RBPMS: variants seen among roughly 807,000 people sequenced by gnomAD.
The protein encoded by RBPMS is RNA binding protein, mRNA processing factor.
A neutral mutation model predicts 26.8 loss-of-function variants in RBPMS; 7 were observed. The observed-to-expected ratio is 0.26, with a 90% CI of 0.15 to 0.49. RBPMS has a LOEUF of 0.49. RBPMS is among the 20% of genes least tolerant of loss of function. The pLI, the probability that RBPMS is intolerant of heterozygous loss-of-function variation, is 0.98. For synonymous variants in RBPMS, 96 were observed against 93.3 expected (o/e 1.03, Z -0.17); for missense variants, 186 against 250.0 (o/e 0.74, Z 1.73).
At chr8:30,463,357 G>A (rs1816155856) in intron 1 of RBPMS, among the ~76,000 whole-genome samples, 1 of 152,236 alleles carries the variant, frequency 6.6e-6, no homozygotes. Context: ...TGGGGCTGCG[G>A]TCATCTGAAG....
Position 30,562,410 on chromosome 8 carries a change from TC to T in RBPMS, c.*7+3456del, listed in dbSNP as rs548586252. 1.3e-4 allele frequency among the ~76,000 whole-genome samples: 20 copies of T among 151,444 alleles called. 1 individual carries two copies. In the South Asian group the frequency reaches 3.8e-3, roughly 29 times the overall value. Reference sequence around the variant, plus strand: ...GCTAAGCTTGGGCCATGGGCCAGACTCCTTCCTCGGAGCCTGTGGGGAGCAG... The same window carrying T: ...GCTAAGCTTGGGCCATGGGCCAGACTCTTCCTCGGAGCCTGTGGGGAGCAG... On this transcript the variant is annotated intron_variant, in intron 7 of 8. Transcript: ENST00000397323.
chr8:30,567,210 C>T (rs1827952821), intron 8 of RBPMS, among the ~76,000 whole-genome samples: 1 of 152,292 alleles, frequency 6.6e-6, no homozygotes, highest in African/African-American at 2.4e-5. Flanking sequence ...TACAGAGAAC[C>T]AAGCGCTTCT....
intron 5 of RBPMS, among the ~76,000 whole-genome samples, chr8:30,514,767 C>T (rs976583426): frequency 6.9e-6 from 1 of 145,466 alleles, no homozygotes; most frequent in East Asian, 2.1e-4. Context: ...CTCAAGTGAT[C>T]CACCCACCTT....
intron 4 of RBPMS, among the ~76,000 whole-genome samples, chr8:30,501,188 A>G (rs988696110): frequency 3.3e-5 from 5 of 151,396 alleles, no homozygotes; most frequent in Non-Finnish European, 5.9e-5. Flanking sequence ...CTGAGCACAC[A>G]CTCCAAAGTC....
At chr8:30,541,131 C>T (rs1585818137) in intron 5 of RBPMS, among the ~76,000 whole-genome samples, 1 of 152,164 alleles carries the variant, frequency 6.6e-6, no homozygotes, top group African/African-American at 2.4e-5. Flanking sequence ...TCTCCTTGTT[C>T]TTCCATCTCT....
At chr8:30,554,679 G>A (rs1343022108) in intron 6 of RBPMS, among the ~76,000 whole-genome samples, 2 of 152,150 alleles carry the variant, frequency 1.3e-5, no homozygotes, top group African/African-American at 2.4e-5. Context: ...CAGAGTTTTG[G>A]CATTTCTGAC....
At chr8:30,427,375 T>C (rs962788329) in intron 1 of RBPMS, among the ~76,000 whole-genome samples, 5 of 152,144 alleles carry the variant, frequency 3.3e-5, no homozygotes, top group African/African-American at 9.7e-5. Flanking sequence ...TGCTGTCCCC[T>C]CCCTGTCTCT....
chr8:30,567,688 G>T (rs780933246), intron 8 of RBPMS, among the ~76,000 whole-genome samples: 34 of 152,234 alleles, frequency 2.2e-4, no homozygotes, highest in Non-Finnish European at 3.4e-4. Context: ...CAAGGAGCAG[G>T]AGTTTTCCTG....
rs145242383 is a variant in RBPMS, at chr8:30,506,838, A to C, written c.397+2402A>C. On this transcript the variant is annotated intron_variant, in intron 5 of 8. Coordinates refer to ENST00000397323, the MANE Select transcript of RBPMS (RefSeq NM_001008710.3). ...GTTCTGTGGTTTGATTATACAACACACATACACTTGAACTCTCAATTCTCC... is the reference window on the plus strand; with the variant it reads ...GTTCTGTGGTTTGATTATACAACACCCATACACTTGAACTCTCAATTCTCC... Among the ~76,000 whole-genome samples the C allele has an allele frequency of 3.3e-4, 50 of 152,344 alleles. No individual in the cohort carries two copies. The East Asian group carries it at 8.5e-3, about 26-fold the overall frequency.
At chr8:30,518,687 C>CTTTTTTTTTTTTG (rs1822630469) in intron 5 of RBPMS, among the ~76,000 whole-genome samples, 1 of 18,236 alleles carries the variant, frequency 5.5e-5, no homozygotes, top group Non-Finnish European at 9.8e-5. Context: ...CCAAGCATGA[C>CTTTTTTTTTTTTG]TTTTTTTTTT....
intron 5 of RBPMS, among the ~76,000 whole-genome samples, chr8:30,512,082 G>C (rs986809004): frequency 2.6e-5 from 4 of 152,110 alleles, no homozygotes; most frequent in African/African-American, 9.7e-5. Flanking sequence ...GTCTCTCTCT[G>C]TTTTTGAAGA....
chr8:30,451,915 A>G lies in RBPMS; in HGVS notation c.67-22864A>G, dbSNP rs572158720. On this transcript the variant is annotated intron_variant, in intron 1 of 8. Transcript: ENST00000397323. The stretch of plus-strand genomic sequence containing the variant: ...CATATAATGATTGTGTTTCTTTTCT[A>G]TCATATTTCAGCCACAGTATCATTT... 2.0e-5 allele frequency among the ~76,000 whole-genome samples: 3 copies of G among 152,224 alleles called. No individual in the cohort carries two copies. The East Asian group carries it at 5.8e-4, about 29-fold the overall frequency.
chr8:30,415,919 T>A (rs1810012966), intron 1 of RBPMS, among the ~76,000 whole-genome samples: 1 of 152,222 alleles, frequency 6.6e-6, no homozygotes. Context: ...GTGTTAGCCT[T>A]ATACTTAAAA....
At position 30,527,523 on chromosome 8, in the gene RBPMS, G is replaced by A. The variant is rs191008885; in HGVS notation, c.398-16971G>A. On this transcript the variant is annotated intron_variant, in intron 5 of 8. Coordinates refer to ENST00000397323, the MANE Select transcript of RBPMS (RefSeq NM_001008710.3). ...CTGAGACATTTGTAACTACCATCTC[G>A]TCACCCACTAGCTGGCCTACAACCG... 8.7e-4 allele frequency among the ~76,000 whole-genome samples: 133 copies of A among 152,134 alleles called. 2 individuals are homozygous for A. The East Asian group carries it at 0.014, about 16-fold the overall frequency.
chr8:30,419,488 A>T (rs573633645), intron 1 of RBPMS, among the ~76,000 whole-genome samples: 131 of 68,226 alleles, frequency 1.9e-3, no homozygotes, highest in Admixed American at 7.6e-3. Flanking sequence ...GTGTGTCAGC[A>T]TAGGAAAGTA....
intron 1 of RBPMS, among the ~76,000 whole-genome samples, chr8:30,416,892 C>T (rs1423194120): frequency 6.6e-6 from 1 of 152,176 alleles, no homozygotes; most frequent in East Asian, 1.9e-4. Context: ...GTCTCAGCCT[C>T]CCAAATAGCT....
intron 5 of RBPMS, among the ~76,000 whole-genome samples, chr8:30,527,788 G>C (rs1227666906): frequency 1.3e-5 from 2 of 152,206 alleles, no homozygotes; most frequent in Non-Finnish European, 2.9e-5. Context: ...TAGCTCTTGA[G>C]AAGAGATGGA....
intron 1 of RBPMS, among the ~76,000 whole-genome samples, chr8:30,444,268 C>T (rs1813475843): frequency 6.6e-6 from 1 of 152,178 alleles, no homozygotes; most frequent in African/African-American, 2.4e-5. Flanking sequence ...TAAGGTAGCA[C>T]ATAGTAACTA....
intron 1 of RBPMS, among the ~76,000 whole-genome samples, chr8:30,410,190 A>ACT (rs1554506764): frequency 2.1e-5 from 3 of 143,710 alleles, no homozygotes; most frequent in Non-Finnish European, 4.5e-5. Flanking sequence ...ACACACACAC[A>ACT]CTTAACTGCT....
Sources: gnomAD v4.1 joint callset for allele counts (sites outside exome capture counted in the v4.1 genomes callset) on GRCh38, gnomAD v4.1.1 for gene constraint, MANE v1.5 for transcripts, NCBI Gene and HGNC (gene_info 2026-07-23, HGNC 2026-07-21) for gene names.